Variants in VPS13C observed in about 807,000 individuals in gnomAD.
VPS13C encodes intermembrane lipid transfer protein VPS13C.
In VPS13C, 358 loss-of-function variants were observed where a neutral mutation model predicts 456.8. The ratio of observed to expected loss-of-function variants is 0.78; its 90% CI spans 0.72 to 0.86. The LOEUF (loss-of-function observed/expected upper bound fraction) is 0.86. VPS13C is among the 40% of genes least tolerant of loss of function. The probability of loss-of-function intolerance (pLI) is 0.00; values close to 1 mark genes in which losing one functional copy is unlikely to be tolerated. For missense variants in VPS13C, 4,818 were observed against 4,385.4 expected, an observed-to-expected ratio of 1.10 and a Z score of -2.79; for synonymous variants, 1,578 against 1,486.7, an observed-to-expected ratio of 1.06 and a Z score of -1.41.
intron 9 of VPS13C, among the ~76,000 whole-genome samples, chr15:62,016,739 C>G (rs1413548847): frequency 6.6e-6 from 1 of 152,074 alleles, no homozygotes; most frequent in East Asian, 1.9e-4. Context: ...CACATGTGTA[C>G]ATGTGTCTTT....
chr15:62,034,868 A>C (rs1201830714), intron 4 of VPS13C, 89 bp downstream of exon 4: 5 of 846,708 alleles, frequency 5.9e-6, no homozygotes, highest in African/African-American at 1.8e-5. Flanking sequence ...CTTCTATCTT[A>C]ATAAATAAAT....
chr15:61,899,370 G>T (rs2042927581), intron 66 of VPS13C, among the ~76,000 whole-genome samples: 1 of 147,108 alleles, frequency 6.8e-6, no homozygotes, highest in Non-Finnish European at 1.5e-5. Context: ...GACTAATAAA[G>T]AAAAAAAGAG....
At chr15:61,889,172 A>T (rs891415651) in intron 67 of VPS13C, among the ~76,000 whole-genome samples, 2 of 152,124 alleles carry the variant, frequency 1.3e-5, no homozygotes, top group Non-Finnish European at 2.9e-5. Flanking sequence ...ACAAACCAGG[A>T]CAGCATATAC....
chr15:61,946,683 A>T (rs892825354), intron 43 of VPS13C, among the ~76,000 whole-genome samples: 5 of 151,496 alleles, frequency 3.3e-5, no homozygotes, highest in African/African-American at 1.2e-4. Flanking sequence ...AAAGAAATTC[A>T]AATTAATTTA....
intron 45 of VPS13C, among the ~76,000 whole-genome samples, chr15:61,943,551 T>G (rs543159001): frequency 6.6e-6 from 1 of 152,110 alleles, no homozygotes; most frequent in South Asian, 2.1e-4. Context: ...GGTGCTGAGA[T>G]AGCTGGCTAG....
At position 62,007,379 on chromosome 15, in the gene VPS13C, T is replaced by C. The variant is rs934272979; in HGVS notation, c.1219A>G (p.Ser407Gly). Reference sequence around the variant, plus strand: ...TTGTTTTTGTAGGCAATTTTATAACTCTTGAGTAACTGCCTGTGCTTTTTT... The same window carrying C: ...TTGTTTTTGTAGGCAATTTTATAACCCTTGAGTAACTGCCTGTGCTTTTTT... Reference protein sequence around the residue: ...NIKKHRQLLKSYKIAYKNKLT... With the variant: ...NIKKHRQLLKGYKIAYKNKLT... Residue 407 changes from serine to glycine, a missense_variant, in exon 15 of 85, where the codon AGT becomes GGT. Physicochemically the swap from Ser to Gly is moderately conservative, Grantham distance 56. Around this residue, in one of 3 missense-constraint regions of VPS13C, gnomAD observed 4,552 missense variants for 4,130.6 expected, o/e 1.10. Coordinates refer to ENST00000644861, the MANE Select transcript of VPS13C (RefSeq NM_020821.3). 6.2e-7 allele frequency: 1 copy of C among 1,613,184 alleles called. No homozygotes were observed. Among genetic ancestry groups the C allele is most frequent in the Non-Finnish European group, 8.5e-7 (1 of 1,179,594 alleles).
At chr15:61,954,778 G>C (rs986099966) in intron 37 of VPS13C, among the ~76,000 whole-genome samples, 1 of 152,088 alleles carries the variant, frequency 6.6e-6, no homozygotes, top group Non-Finnish European at 1.5e-5. Context: ...GTGAACAAAT[G>C]TTAATAGACT....
chr15:62,002,540 T>A (rs1261070805), intron 15 of VPS13C, among the ~76,000 whole-genome samples: 1 of 152,182 alleles, frequency 6.6e-6, no homozygotes, highest in Non-Finnish European at 1.5e-5. Flanking sequence ...CCCACTTGTC[T>A]ATTTTGGCTT....
intron 2 of VPS13C, 83 bp downstream of exon 2, chr15:62,044,129 T>C (rs2048328965): frequency 1.1e-6 from 1 of 869,842 alleles, no homozygotes; most frequent in Admixed American, 2.8e-5. Context: ...ATCTAGTACA[T>C]GGTATCAGAT....
Position 61,908,917 on chromosome 15 carries a change from T to C in VPS13C, c.8978+75A>G, listed in dbSNP as rs148468801. The C allele has an allele frequency of 4.4e-4, 678 of 1,536,666 alleles. 2 individuals are homozygous for C. The African/African-American group carries it at 8.5e-3, about 19-fold the overall frequency. ...TTCTAAAATCTAAAAACATTTTGAA[T>C]ATGAAACCAAAGTGTTTCCCATTAG... On this transcript the variant is annotated intron_variant, in intron 65 of 84. Transcript: ENST00000644861.
intron 48 of VPS13C, 76 bp downstream of exon 48, chr15:61,936,521 G>A (rs1596353264): frequency 1.4e-6 from 2 of 1,394,552 alleles, no homozygotes; most frequent in East Asian, 2.4e-5. Flanking sequence ...GTGCTGGACA[G>A]CTAGAAAAAT....
rs2043739782 is a variant in VPS13C, at chr15:61,923,776, A to G, written c.6610-1014T>C. Among the ~76,000 whole-genome samples the G allele has an allele frequency of 4.0e-5, 6 of 148,686 alleles. 2 individuals carry two copies. The South Asian group carries it at 1.3e-3, about 32-fold the overall frequency. ...CTTGTCAACTTTTTTTCCGTGTCTT[A>G]TTAATGTCACTTATAATTAATGCTT... On this transcript the variant is annotated intron_variant, in intron 53 of 84. Coordinates refer to ENST00000644861, the MANE Select transcript of VPS13C (RefSeq NM_020821.3).
intron 26 of VPS13C, 109 bp downstream of exon 26, chr15:61,973,345 G>A: frequency 1.5e-5 from 13 of 870,118 alleles, no homozygotes; most frequent in South Asian, 1.4e-4. Flanking sequence ...ACTAAAACCA[G>A]TAAATTACTA....
intron 16 of VPS13C, among the ~76,000 whole-genome samples, chr15:61,992,221 T>C (rs1184014384): frequency 6.6e-6 from 1 of 152,190 alleles, no homozygotes; most frequent in East Asian, 1.9e-4. Flanking sequence ...TATACAATGC[T>C]GGCTTGCTAA....
intron 67 of VPS13C, among the ~76,000 whole-genome samples, chr15:61,886,678 T>A (rs999835563): frequency 2.0e-5 from 3 of 152,172 alleles, no homozygotes; most frequent in African/African-American, 7.2e-5. Context: ...TGGGTTAGAT[T>A]TGGCTCATAG....
chr15:61,910,690 T>G (rs961390365), intron 63 of VPS13C, among the ~76,000 whole-genome samples: 1 of 152,188 alleles, frequency 6.6e-6, no homozygotes, highest in Non-Finnish European at 1.5e-5. Flanking sequence ...CAGAGTATCT[T>G]AATCATAGAT....
Position 61,920,643 on chromosome 15 carries a change from T to G in VPS13C, c.7067A>C (p.Lys2356Thr), listed in dbSNP as rs570619697. Residue 2356 changes from lysine (K) to threonine (T), a missense_variant, in exon 56 of 85, where the codon AAG becomes ACG. Transcript: ENST00000644861. ...KRQWNLRLDV[K>T]KNPVQDKSLL... Reference sequence around the variant, plus strand: ...ACTTTTATCCTGAACTGGGTTCTTCTTTACCTATGAAGAAAAATAACACAG... The same window carrying G: ...ACTTTTATCCTGAACTGGGTTCTTCGTTACCTATGAAGAAAAATAACACAG... 1 of 1,562,500 alleles carries G rather than the reference T, an allele frequency of 6.4e-7. No individual in the cohort carries two copies. Among genetic ancestry groups the G allele is most frequent in the African/African-American group, 1.4e-5 (1 of 71,534 alleles).
chr15:61,873,207 TAAG>T, intron 78 of VPS13C, 36 bp downstream of exon 78: 1 of 1,610,570 alleles, frequency 6.2e-7, no homozygotes, highest in Admixed American at 1.7e-5. Context: ...CACTTTTTTT[TAAG>T]TTGCAGATTT....
Position 61,983,913 on chromosome 15 carries a change from C to T in VPS13C, c.1821G>A (p.Leu607=), listed in dbSNP as rs368561492. 7 of 1,613,974 alleles carry T rather than the reference C, an allele frequency of 4.3e-6. No homozygotes were observed. Among genetic ancestry groups the T allele is most frequent in the Admixed American group, 1.7e-5 (1 of 60,000 alleles). ...VASIGDTTSS[L]LKIKFETNPE... ...GATTGGTTTCAAATTTAATTTTAAG[C>T]AAGGATGATGTAGTGTCACCAATTG... The change falls in exon 20 of 85, where the codon TTG becomes TTA. Residue 607 remains leucine (L), a synonymous_variant. Coordinates refer to ENST00000644861, the MANE Select transcript of VPS13C (RefSeq NM_020821.3).
Sources: gnomAD v4.1 joint callset for allele counts (sites outside exome capture counted in the v4.1 genomes callset) on GRCh38, gnomAD v4.1.1 for gene constraint, gnomAD v4.1.1 regional missense constraint, MANE v1.5 for transcripts, NCBI Gene and HGNC (gene_info 2026-07-23, HGNC 2026-07-21) for gene names.